TLK2: variants seen among roughly 807,000 people sequenced by gnomAD.
TLK2 encodes tousled like kinase 2.
Under a neutral mutation model 117.3 loss-of-function variants are expected in TLK2, and 6 were observed. That is an observed-to-expected ratio of 0.05 (90% CI 0.03 to 0.10). TLK2 has a LOEUF of 0.10. TLK2 is among the 10% of genes least tolerant of loss of function. TLK2 has a pLI of 1.00. For synonymous variants in TLK2, 257 were observed against 316.7 expected (o/e 0.81, Z 2.00); for missense variants, 299 against 901.2 (o/e 0.33, Z 8.56).
intron 6 of TLK2, among the ~76,000 whole-genome samples, chr17:62,526,149 GGT>G (rs899855240): frequency 2.6e-5 from 4 of 152,130 alleles, no homozygotes; most frequent in African/African-American, 9.7e-5. Flanking sequence ...GTATAGATGA[GGT>G]GTTAAAATAG....
intron 17 of TLK2, 69 bp downstream of exon 17, chr17:62,596,743 G>T: frequency 7.3e-7 from 1 of 1,372,464 alleles, no homozygotes; most frequent in Non-Finnish European, 1.0e-6. Flanking sequence ...TCATGGAATA[G>T]AGCTGAACTC....
chr17:62,552,729 G>A (rs1308663739), intron 8 of TLK2, among the ~76,000 whole-genome samples: 3 of 148,618 alleles, frequency 2.0e-5, no homozygotes, highest in African/African-American at 7.5e-5. Flanking sequence ...AGGCCTCTAA[G>A]TTCAGATTCT....
At position 62,605,931 on chromosome 17, in the gene TLK2, C is replaced by T. The variant is rs188109927; in HGVS notation, c.1860-199C>T. On this transcript the variant is annotated intron_variant, in intron 19 of 21. Transcript: ENST00000346027. ...CTGAGGTGGGGAAACCACCCGAGCT[C>T]GGGAGGTTGAGGCCGTAATGAGCCA... is the stretch of plus-strand genomic sequence containing the variant. Among the ~76,000 whole-genome samples, 411 of 133,406 alleles carry T rather than the reference C, an allele frequency of 3.1e-3. 2 individuals are homozygous for T. Among genetic ancestry groups the T allele is most frequent in the African/African-American group, 9.2e-3 (311 of 33,950 alleles). 87.5% of individuals were successfully genotyped at this position (133,406 alleles called of 152,430 possible).
chr17:62,480,358 C>T (rs924283034), intron 1 of TLK2, among the ~76,000 whole-genome samples: 3 of 151,992 alleles, frequency 2.0e-5, no homozygotes, highest in Admixed American at 6.6e-5. Flanking sequence ...GTAGCCTGTG[C>T]ATTAATTGGT....
intron 2 of TLK2, among the ~76,000 whole-genome samples, chr17:62,512,915 G>A (rs572393796): frequency 2.7e-5 from 4 of 146,570 alleles, no homozygotes; most frequent in East Asian, 4.1e-4. Flanking sequence ...TTTCGCTCTC[G>A]TTGCCCGGGC....
intron 19 of TLK2, among the ~76,000 whole-genome samples, chr17:62,602,651 C>G (rs2082954308): frequency 6.6e-6 from 1 of 152,112 alleles, no homozygotes; most frequent in Admixed American, 6.5e-5. Context: ...CATATGAAAT[C>G]TATACAGGAA....
At chr17:62,559,369 T>G (rs971072908) in intron 9 of TLK2, among the ~76,000 whole-genome samples, 2 of 150,982 alleles carry the variant, frequency 1.3e-5, no homozygotes, top group Non-Finnish European at 3.0e-5. Flanking sequence ...TGTAGTTTAT[T>G]TTTTTTTTAT....
At chr17:62,610,632 C>T (rs943942034) in intron 21 of TLK2, among the ~76,000 whole-genome samples, 6 of 151,972 alleles carry the variant, frequency 3.9e-5, no homozygotes, top group South Asian at 4.1e-4. Flanking sequence ...TTGCAGGAGC[C>T]GTTAGATCTG....
chr17:62,502,112 G>GA (rs1286289635), intron 2 of TLK2, among the ~76,000 whole-genome samples: 1 of 146,586 alleles, frequency 6.8e-6, no homozygotes, highest in Non-Finnish European at 1.5e-5. Context: ...AAGACATTAG[G>GA]AAAAAAGAAA....
At chr17:62,487,757 G>T (rs1476793285) in intron 2 of TLK2, among the ~76,000 whole-genome samples, 4 of 148,906 alleles carry the variant, frequency 2.7e-5, no homozygotes, top group Non-Finnish European at 4.4e-5. Context: ...CCAAATAGCT[G>T]GGATTACAGG....
chr17:62,550,436 T>C (rs1343786345), intron 7 of TLK2: 1 of 152,248 alleles, frequency 6.6e-6, no homozygotes, highest in Non-Finnish European at 1.5e-5. Flanking sequence ...TTACCAAGTG[T>C]TTAGTAAATC....
chr17:62,499,965 C>T (rs559259744), intron 2 of TLK2, among the ~76,000 whole-genome samples: 14 of 152,068 alleles, frequency 9.2e-5, no homozygotes, highest in Middle Eastern at 3.4e-3. Context: ...TATTATGGGC[C>T]GTTCTTACAG....
At chr17:62,608,261 A>G in intron 21 of TLK2, 113 bp downstream of exon 21, 1 of 784,988 alleles carries the variant, frequency 1.3e-6, no homozygotes, top group African/African-American at 1.7e-5. Context: ...GTTAATAAAA[A>G]TATTAGGATA....
At chr17:62,578,347 GAA>G in intron 13 of TLK2, 128 bp from the exon 14 acceptor site, 1 of 705,846 alleles carries the variant, frequency 1.4e-6, no homozygotes, top group Non-Finnish European at 2.4e-6. Context: ...AATTCTTAAA[GAA>G]ATCTTTCAAT....
chr17:62,568,773 C>T (rs867548877), intron 11 of TLK2, among the ~76,000 whole-genome samples: 16 of 151,684 alleles, frequency 1.1e-4, no homozygotes, highest in South Asian at 6.3e-4. Flanking sequence ...TTAGTAGAGA[C>T]GGGGTTTTGC....
chr17:62,511,570 A>G (rs146637932), intron 2 of TLK2, among the ~76,000 whole-genome samples: 1,522 of 152,184 alleles, frequency 0.01, 12 homozygotes, highest in Non-Finnish European at 0.015. Context: ...GGGTCTCACT[A>G]TATTGGCCAG....
intron 19 of TLK2, among the ~76,000 whole-genome samples, chr17:62,602,879 A>G (rs1338746180): frequency 1.3e-5 from 2 of 152,090 alleles, no homozygotes; most frequent in Non-Finnish European, 2.9e-5. Context: ...CTTTAACTCT[A>G]TGGTTGTAAA....
upstream of TLK2, among the ~76,000 whole-genome samples, chr17:62,474,440 A>G (rs1274120528): frequency 7.4e-6 from 1 of 135,772 alleles, no homozygotes; most frequent in South Asian, 2.3e-4. Context: ...GAGGGCGTCT[A>G]GCTCTGTTGC....
chr17:62,541,796 T>C (rs1567882150), intron 7 of TLK2, among the ~76,000 whole-genome samples: 2 of 151,626 alleles, frequency 1.3e-5, no homozygotes, highest in Non-Finnish European at 2.9e-5. Context: ...AGCTAGAGAT[T>C]GCACCACTGC....
Sources: gnomAD v4.1 joint callset for allele counts (sites outside exome capture counted in the v4.1 genomes callset) on GRCh38, gnomAD v4.1.1 for gene constraint, MANE v1.5 for transcripts, NCBI Gene and HGNC (gene_info 2026-07-23, HGNC 2026-07-21) for gene names.